The following SLC25A16 variants were observed in gnomAD, a reference collection of about 807,000 sequenced individuals.
The protein encoded by SLC25A16 is solute carrier family 25 member 16.
In SLC25A16, 39 loss-of-function variants were observed where a neutral mutation model predicts 41.5. The observed-to-expected ratio is 0.94, with a 90% CI of 0.73 to 1.23. The LOEUF (loss-of-function observed/expected upper bound fraction) is 1.23. Among genes scored for constraint, SLC25A16 ranks in the 50% most tolerant of loss-of-function variants. The probability of loss-of-function intolerance (pLI) is 0.00; values close to 1 mark genes in which losing one functional copy is unlikely to be tolerated. For synonymous variants in SLC25A16, 146 were observed against 147.8 expected (o/e 0.99, Z 0.09); for missense variants, 421 against 426.9 (o/e 0.99, Z 0.12).
At chr10:68,493,350 A>G in intron 5 of SLC25A16, 99 bp downstream of exon 5, 2 of 1,189,312 alleles carry the variant, frequency 1.7e-6, no homozygotes, top group Admixed American at 2.0e-5. Flanking sequence ...ATTAACATCA[A>G]TAATTATAAG....
At chr10:68,525,089 C>G (rs1564932445) in intron 1 of SLC25A16, among the ~76,000 whole-genome samples, 1 of 152,018 alleles carries the variant, frequency 6.6e-6, no homozygotes, top group Non-Finnish European at 1.5e-5. Flanking sequence ...CTGCTGCAGT[C>G]TTCAGATATT....
At chr10:68,487,781 C>A (rs117104740) in intron 7 of SLC25A16, among the ~76,000 whole-genome samples, 3 of 152,172 alleles carry the variant, frequency 2.0e-5, no homozygotes, top group Admixed American at 2.0e-4. Flanking sequence ...TAGACCAATA[C>A]AAAATTTTCC....
intron 1 of SLC25A16, among the ~76,000 whole-genome samples, chr10:68,519,903 G>A (rs889834730): frequency 4.0e-5 from 6 of 149,694 alleles, no homozygotes; most frequent in African/African-American, 1.5e-4. Context: ...CGACAAGAAC[G>A]AAACTCCGTC....
chr10:68,499,921 GA>G, intron 4 of SLC25A16: 2 of 581,088 alleles, frequency 3.4e-6, no homozygotes, highest in South Asian at 1.5e-5. Context: ...AGTAGGAAAG[GA>G]AAAGGGCAAA....
chr10:68,523,430 G>A (rs1218031955), intron 1 of SLC25A16, among the ~76,000 whole-genome samples: 2 of 151,960 alleles, frequency 1.3e-5, no homozygotes, highest in Non-Finnish European at 2.9e-5. Flanking sequence ...CAAGCAAGTC[G>A]GAGGCACATA....
At chr10:68,518,793 AT>A (rs1564929045) in intron 1 of SLC25A16, among the ~76,000 whole-genome samples, 1 of 133,142 alleles carries the variant, frequency 7.5e-6, no homozygotes, top group African/African-American at 3.3e-5. Context: ...AATAAAATAA[AT>A]AAATAAATAA....
Position 68,480,964 on chromosome 10 carries a change from TTC to T in SLC25A16, c.*2466_*2467del, listed in dbSNP as rs2052478040. ...AGAAATTTTTGTACAGCCTTTTTTT[TTC>T]TTTTATACAGTCTCACTCTGTATAA... On this transcript the variant is annotated 3_prime_UTR_variant, in exon 9 of 9. Transcript: ENST00000609923. The T allele has an allele frequency of 1.3e-5, 2 of 151,994 alleles. No homozygotes were observed. Among genetic ancestry groups the T allele is most frequent in the African/African-American group, 4.8e-5 (2 of 41,388 alleles). The allele number at this position is 151,994 out of a possible 1,614,324, so 9.4% of individuals were successfully genotyped here. A position where few individuals can be genotyped will look rare whatever the true frequency, so the allele number is the denominator to read the frequency against.
intron 2 of SLC25A16, among the ~76,000 whole-genome samples, chr10:68,507,315 C>T (rs1301882908): frequency 6.6e-6 from 1 of 151,968 alleles, no homozygotes; most frequent in African/African-American, 2.4e-5. Context: ...TCGTGATCCA[C>T]CCGTCTCGGC....
At chr10:68,490,890 C>CT (rs11389730) in intron 6 of SLC25A16, among the ~76,000 whole-genome samples, 36,846 of 148,198 alleles carry the variant, frequency 0.25, 5,099 homozygotes, top group African/African-American at 0.36. Context: ...AAAAAATATA[C>CT]TTTTTTTTTT....
intron 4 of SLC25A16, among the ~76,000 whole-genome samples, chr10:68,501,040 T>TC (rs2052835138): frequency 6.6e-6 from 1 of 151,552 alleles, no homozygotes; most frequent in Admixed American, 6.6e-5. Flanking sequence ...TCACCTGAGA[T>TC]CAGGAGTTTG....
At chr10:68,522,932 G>A (rs1216185041) in intron 1 of SLC25A16, among the ~76,000 whole-genome samples, 1 of 150,886 alleles carries the variant, frequency 6.6e-6, no homozygotes, top group Non-Finnish European at 1.5e-5. Flanking sequence ...AGGTTGCAGT[G>A]ATAATCAGGC....
rs1053399872 is a variant in SLC25A16, at chr10:68,503,806, T to A, written c.358-111A>T. The A allele has an allele frequency of 8.3e-6, 6 of 721,568 alleles. No homozygotes were observed. In the African/African-American group the frequency reaches 1.1e-4, roughly 13 times the overall value. The allele number at this position is 721,568 out of a possible 1,614,324, so 44.7% of individuals were successfully genotyped here. A position where few individuals can be genotyped will look rare whatever the true frequency, so the allele number is the denominator to read the frequency against. On this transcript the variant is annotated intron_variant, in intron 3 of 8. Transcript: ENST00000609923. ...GTTACAGGACTAATAAAAAGGAAAT[T>A]AATAATAAATGTGAACGAAATGAGC...
chr10:68,490,996 C>A (rs2052648414), intron 6 of SLC25A16, among the ~76,000 whole-genome samples: 1 of 151,890 alleles, frequency 6.6e-6, no homozygotes, highest in Admixed American at 6.6e-5. Context: ...CTCAGGCAAT[C>A]CTCTTAACTC....
At position 68,488,506 on chromosome 10, in the gene SLC25A16, AGT is replaced by A; in HGVS notation, c.732_733del (p.Leu244PhefsTer18). On this transcript the variant is annotated frameshift_variant, in exon 7 of 9. Transcript: ENST00000609923. LOFTEE classifies it high-confidence loss of function. The stretch of plus-strand genomic sequence containing the variant: ...TATTGCTCCAGCAACACCACCACAA[AGT>A]AAGTTTACATGAGTTTTCAAAACTA... 1 of 1,570,956 alleles carries A rather than the reference AGT, an allele frequency of 6.4e-7. No individual in the cohort carries two copies. Among genetic ancestry groups the A allele is most frequent in the Non-Finnish European group, 8.6e-7 (1 of 1,167,724 alleles).
rs951585621 is a variant in SLC25A16 at position 68,481,736 on chromosome 10, C to T, written c.*1696G>A. The T allele has an allele frequency of 3.3e-5, 5 of 152,186 alleles. No homozygotes were observed. The highest frequency in any genetic ancestry group is 5.9e-5 in the Non-Finnish European group (4 of 68,088). 9.4% of individuals were successfully genotyped at this position (152,186 alleles called of 1,614,324 possible). ...TCAAGCAATTCTCATGTCTCAGCCT[C>T]GCGAGTAACTGGGACTACAGGCACG... On this transcript the variant is annotated 3_prime_UTR_variant, in exon 9 of 9. Coordinates refer to ENST00000609923, the MANE Select transcript of SLC25A16 (RefSeq NM_152707.4).
intron 4 of SLC25A16, among the ~76,000 whole-genome samples, chr10:68,495,327 AAT>A (rs2052732198): frequency 6.6e-6 from 1 of 151,912 alleles, no homozygotes; most frequent in African/African-American, 2.4e-5. Context: ...GAGGCAGGAG[AAT>A]CCTTGAACCT....
intron 8 of SLC25A16, among the ~76,000 whole-genome samples, chr10:68,485,090 C>A (rs1217243052): frequency 6.6e-6 from 1 of 151,888 alleles, no homozygotes. Flanking sequence ...TATATTTTTT[C>A]TTCTTTTTCT....
chr10:68,526,149 A>G (rs2053334590), intron 1 of SLC25A16, among the ~76,000 whole-genome samples: 2 of 151,856 alleles, frequency 1.3e-5, no homozygotes, highest in South Asian at 4.2e-4. Context: ...AGTTGAGACA[A>G]GAGGAAGGCA....
intron 2 of SLC25A16, among the ~76,000 whole-genome samples, chr10:68,514,392 A>G (rs1198444400): frequency 6.6e-6 from 1 of 152,108 alleles, no homozygotes; most frequent in African/African-American, 2.4e-5. Flanking sequence ...GCCACTCAGG[A>G]GGCTGAGGTA....
Sources: gnomAD v4.1 joint callset for allele counts (sites outside exome capture counted in the v4.1 genomes callset) on GRCh38, gnomAD v4.1.1 for gene constraint, MANE v1.5 for transcripts, NCBI Gene and HGNC (gene_info 2026-07-23, HGNC 2026-07-21) for gene names.